Variants in TBL1X observed in about 807,000 individuals in gnomAD.
TBL1X encodes the protein transducin beta like 1 X-linked, also known as F-box-like/WD repeat-containing protein TBL1X.
In TBL1X, 10 loss-of-function variants were observed where a neutral mutation model predicts 50.7. The observed-to-expected ratio is 0.20, with a 90% CI of 0.12 to 0.33. The LOEUF (loss-of-function observed/expected upper bound fraction) is 0.33, where lower values mean the gene tolerates loss of function less well. TBL1X is among the 10% of genes least tolerant of loss of function. The probability of loss-of-function intolerance (pLI) is 1.00; values close to 1 mark genes in which losing one functional copy is unlikely to be tolerated. For missense variants in TBL1X, 340 were observed against 504.4 expected, an observed-to-expected ratio of 0.67 and a Z score of 3.12; for synonymous variants, 190 against 214.7, an observed-to-expected ratio of 0.88 and a Z score of 1.01.
intron 2 of TBL1X, among the ~76,000 whole-genome samples, chrX:9,619,432 C>G (rs1385720446): frequency 9.0e-6 from 1 of 111,652 alleles, no homozygotes; most frequent in East Asian, 2.8e-4. Context: ...CTCCTGGCTT[C>G]TAGTTTCCAG....
chrX:9,588,673 G>C (rs996071374), intron 2 of TBL1X, among the ~76,000 whole-genome samples: 2 of 107,429 alleles, frequency 1.9e-5, no homozygotes, highest in Non-Finnish European at 3.8e-5. Context: ...ATGCGATCTC[G>C]GCTCACTGCA....
chrX:9,535,526 G>A (rs897138724), intron 2 of TBL1X, among the ~76,000 whole-genome samples: 1 of 112,451 alleles, frequency 8.9e-6, no homozygotes, highest in Admixed American at 9.4e-5. Context: ...TTGTAAACAC[G>A]CAGCCCCCCT....
At chrX:9,479,537 G>T (rs905917126) in intron 1 of TBL1X, among the ~76,000 whole-genome samples, 3 of 112,449 alleles carry the variant, frequency 2.7e-5, no homozygotes, top group Non-Finnish European at 1.9e-5. Context: ...TACATCACAT[G>T]ACTCTGATCT....
upstream of TBL1X, chrX:9,464,934 G>A (rs935233735): frequency 6.4e-5 from 7 of 109,554 alleles, no homozygotes; most frequent in Non-Finnish European, 1.3e-4. Flanking sequence ...GGGCTGGTTC[G>A]GGACGCGGCT....
intron 2 of TBL1X, among the ~76,000 whole-genome samples, chrX:9,508,767 A>G (rs1234144060): frequency 8.9e-6 from 1 of 112,008 alleles, no homozygotes; most frequent in African/African-American, 3.2e-5. Flanking sequence ...ATAAAAAGGA[A>G]TGAGATCATG....
At chrX:9,620,671 GA>G (rs1209921063) in intron 2 of TBL1X, among the ~76,000 whole-genome samples, 1 of 112,014 alleles carries the variant, frequency 8.9e-6, no homozygotes, top group Non-Finnish European at 1.9e-5. Context: ...GAAACTGAGG[GA>G]AAACACAGGC....
At chrX:9,528,999 C>T (rs1394398841) in intron 2 of TBL1X, among the ~76,000 whole-genome samples, 8 of 112,031 alleles carry the variant, frequency 7.1e-5, no homozygotes, top group African/African-American at 2.3e-4. Flanking sequence ...GAAACCAGCA[C>T]TGAAAAATAC....
intron 2 of TBL1X, among the ~76,000 whole-genome samples, chrX:9,580,361 G>A (rs2082434289): frequency 1.8e-5 from 2 of 112,174 alleles, no homozygotes; most frequent in Non-Finnish European, 3.8e-5. Flanking sequence ...CATTGGTTTG[G>A]TCTGGAAAGG....
chrX:9,675,851 A>G (rs1226671358), intron 5 of TBL1X, among the ~76,000 whole-genome samples: 1 of 105,027 alleles, frequency 9.5e-6, no homozygotes, highest in Non-Finnish European at 1.9e-5. Flanking sequence ...AGATCATGCC[A>G]TTGCACTCCA....
chrX:9,703,697 C>G (rs899803926), intron 12 of TBL1X, among the ~76,000 whole-genome samples: 1 of 112,267 alleles, frequency 8.9e-6, no homozygotes, highest in Non-Finnish European at 1.9e-5. Flanking sequence ...AGCGCACTCC[C>G]TGTCCCGGGC....
rs185493844 is a variant in TBL1X at position 9,635,670 on chromosome X, G to A, written c.-130-4603G>A. 2.3e-3 allele frequency among the ~76,000 whole-genome samples: 256 copies of A among 112,105 alleles called. 1 individual carries two copies. Among genetic ancestry groups the A allele is most frequent in the African/African-American group, 7.5e-3 (233 of 30,866 alleles). On this transcript the variant is annotated intron_variant, in intron 2 of 17. Coordinates refer to ENST00000645353, the MANE Select transcript of TBL1X (RefSeq NM_005647.4). ...ATGGGCAGGCTCCCGGCTCCTCCTT[G>A]TGCATCCATCCCCTTTGTTGGCCAC...
chrX:9,563,993 A>G (rs1250904298), intron 2 of TBL1X, among the ~76,000 whole-genome samples: 1 of 113,045 alleles, frequency 8.8e-6, no homozygotes, highest in Non-Finnish European at 1.9e-5. Flanking sequence ...GGATCTTGGA[A>G]TCAGAATGAC....
At chrX:9,580,388 G>A (rs1002036838) in intron 2 of TBL1X, among the ~76,000 whole-genome samples, 1 of 111,982 alleles carries the variant, frequency 8.9e-6, no homozygotes, top group African/African-American at 3.2e-5. Context: ...AACTCAAAGT[G>A]GGGAGGGGGC....
At chrX:9,578,714 A>G (rs923875061) in intron 2 of TBL1X, among the ~76,000 whole-genome samples, 2 of 111,970 alleles carry the variant, frequency 1.8e-5, no homozygotes, top group African/African-American at 6.5e-5. Context: ...TCTTTTAAAG[A>G]TACTGCAAAT....
At chrX:9,682,489 G>A (rs778750716) in intron 5 of TBL1X, among the ~76,000 whole-genome samples, 94 of 112,138 alleles carry the variant, frequency 8.4e-4, no homozygotes, top group Non-Finnish European at 1.4e-3. Flanking sequence ...ACAACCTGGC[G>A]GTGGGGACAG....
At chrX:9,616,144 T>C (rs1438726603) in intron 2 of TBL1X, among the ~76,000 whole-genome samples, 4 of 111,845 alleles carry the variant, frequency 3.6e-5, no homozygotes, top group African/African-American at 1.3e-4. Flanking sequence ...TGCATTAGAT[T>C]GTGTCCTGTA....
At chrX:9,613,539 A>G (rs1418771062) in intron 2 of TBL1X, among the ~76,000 whole-genome samples, 1 of 111,825 alleles carries the variant, frequency 8.9e-6, no homozygotes, top group Non-Finnish European at 1.9e-5. Flanking sequence ...TTGTGAATTG[A>G]GATATAGTAC....
At chrX:9,643,101 A>G (rs2082784490) in intron 3 of TBL1X, among the ~76,000 whole-genome samples, 1 of 111,756 alleles carries the variant, frequency 8.9e-6, no homozygotes, top group African/African-American at 3.3e-5. Context: ...GCCACATAAG[A>G]GGGAGTGGCT....
chrX:9,490,413 C>T (rs2081935037), intron 1 of TBL1X, among the ~76,000 whole-genome samples: 1 of 112,003 alleles, frequency 8.9e-6, no homozygotes. Context: ...GGGGTTGCTC[C>T]TGGCATCTTG....
Sources: gnomAD v4.1 joint callset for allele counts (sites outside exome capture counted in the v4.1 genomes callset) on GRCh38, gnomAD v4.1.1 for gene constraint, MANE v1.5 for transcripts, NCBI Gene and HGNC (gene_info 2026-07-23, HGNC 2026-07-21) for gene names.